WWOX: variants seen among roughly 807,000 people sequenced by gnomAD.
WWOX encodes WW domain containing oxidoreductase, also known as WW domain-containing oxidoreductase.
A neutral mutation model predicts 46.2 loss-of-function variants in WWOX; 69 were observed. The observed-to-expected ratio is 1.49, with a 90% CI of 1.23 to 1.82. The LOEUF is 1.82. Among genes scored for constraint, WWOX ranks in the 40% most tolerant of loss-of-function variants. The pLI is 0.00. For missense variants in WWOX, 919 were observed against 542.6 expected, an observed-to-expected ratio of 1.69 and a Z score of -6.89; for synonymous variants, 359 against 202.6, an observed-to-expected ratio of 1.77 and a Z score of -6.56.
intron 8 of WWOX, among the ~76,000 whole-genome samples, chr16:79,157,915 A>G (rs778631006): frequency 3.9e-5 from 6 of 152,174 alleles, no homozygotes; most frequent in East Asian, 3.9e-4. Context: ...TTTTTCTGGT[A>G]CCTGGCCCTG....
intron 8 of WWOX, among the ~76,000 whole-genome samples, chr16:78,707,573 C>A (rs561557491): frequency 6.6e-6 from 1 of 152,214 alleles, no homozygotes; most frequent in Admixed American, 6.5e-5. Flanking sequence ...TACAGATGCT[C>A]AAAATCTGCA....
At chr16:78,700,460 C>G (rs565625783) in intron 8 of WWOX, among the ~76,000 whole-genome samples, 1 of 151,960 alleles carries the variant, frequency 6.6e-6, no homozygotes, top group African/African-American at 2.4e-5. Flanking sequence ...ATTGGGTGTT[C>G]TAGTTTAACA....
At chr16:79,134,566 A>G (rs2049946177) in intron 8 of WWOX, among the ~76,000 whole-genome samples, 1 of 152,134 alleles carries the variant, frequency 6.6e-6, no homozygotes, top group Admixed American at 6.5e-5. Flanking sequence ...CTGCTTACTT[A>G]TTAGAACTCC....
At chr16:78,846,890 C>T (rs190537724) in intron 8 of WWOX, among the ~76,000 whole-genome samples, 14 of 152,250 alleles carry the variant, frequency 9.2e-5, no homozygotes, top group Non-Finnish European at 2.1e-4. Context: ...AAGGCTGTTT[C>T]TTCTTCTCCA....
chr16:78,714,765 G>T (rs984398488), intron 8 of WWOX, among the ~76,000 whole-genome samples: 16 of 152,190 alleles, frequency 1.1e-4, no homozygotes, highest in African/African-American at 3.6e-4. Context: ...AGGCTGAGAG[G>T]TGTGCATGGG....
chr16:78,662,933 G>A (rs1298573968), intron 8 of WWOX, among the ~76,000 whole-genome samples: 1 of 152,186 alleles, frequency 6.6e-6, no homozygotes, highest in Non-Finnish European at 1.5e-5. Flanking sequence ...ATTGGTGAGA[G>A]AGACCGCAGC....
intron 8 of WWOX, among the ~76,000 whole-genome samples, chr16:78,818,616 A>G (rs1261136119): frequency 2.6e-5 from 4 of 152,178 alleles, no homozygotes; most frequent in Non-Finnish European, 5.9e-5. Context: ...CTGTAGTCCT[A>G]GCTACTCAGG....
In WWOX at chr16:79,078,999, G is replaced by C. The variant is rs73572938; in HGVS notation, c.1057-132609G>C. On this transcript the variant is annotated intron_variant, in intron 8 of 8. Coordinates refer to ENST00000566780, the MANE Select transcript of WWOX (RefSeq NM_016373.4). The stretch of plus-strand genomic sequence containing the variant: ...AAATTTGATAGAAATCAGTAGAGAT[G>C]CTAAAATATAATACATTTGACCTGC... Among the ~76,000 whole-genome samples the C allele has an allele frequency of 3.5e-3, 527 of 152,286 alleles. 3 individuals are homozygous for C. Among genetic ancestry groups the C allele is most frequent in the African/African-American group, 0.012 (484 of 41,552 alleles).
At chr16:78,531,562 G>A (rs1267578349) in intron 8 of WWOX, among the ~76,000 whole-genome samples, 2 of 152,306 alleles carry the variant, frequency 1.3e-5, no homozygotes, top group East Asian at 1.9e-4. Context: ...AAATAAATGG[G>A]CTGGGCGTGG....
chr16:79,071,875 C>A (rs2048557914), intron 8 of WWOX, among the ~76,000 whole-genome samples: 1 of 152,186 alleles, frequency 6.6e-6, no homozygotes, highest in Non-Finnish European at 1.5e-5. Flanking sequence ...CAACCAACTC[C>A]ATGTCTGGTG....
intron 5 of WWOX, among the ~76,000 whole-genome samples, chr16:78,356,675 G>C (rs1347289784): frequency 2.0e-5 from 3 of 152,204 alleles, no homozygotes; most frequent in African/African-American, 7.2e-5. Flanking sequence ...GAGGTCAGCA[G>C]TTGAAGACCA....
Position 78,961,436 on chromosome 16 carries a change from C to T in WWOX, c.1057-250172C>T, listed in dbSNP as rs573926510. Among the ~76,000 whole-genome samples, 5 of 151,746 alleles carry T rather than the reference C, an allele frequency of 3.3e-5. No individual in the cohort carries two copies. The South Asian group carries it at 8.3e-4, about 25-fold the overall frequency. ...TCAGCAGATATATAGCTATGGGATA[C>T]ATGGATGGATGGATGGATGGGTGGA... On this transcript the variant is annotated intron_variant, in intron 8 of 8. Transcript: ENST00000566780.
At chr16:78,550,512 G>T (rs1261426645) in intron 8 of WWOX, among the ~76,000 whole-genome samples, 1 of 152,176 alleles carries the variant, frequency 6.6e-6, no homozygotes, top group African/African-American at 2.4e-5. Context: ...GTTTGTCTGG[G>T]AGACATAATT....
At chr16:79,052,403 T>C (rs1286826600) in intron 8 of WWOX, among the ~76,000 whole-genome samples, 1 of 152,162 alleles carries the variant, frequency 6.6e-6, no homozygotes, top group Non-Finnish European at 1.5e-5. Context: ...TATTCCATGG[T>C]GTATATGTGC....
At chr16:78,105,804 T>C (rs1404183748) in intron 1 of WWOX, among the ~76,000 whole-genome samples, 1 of 152,132 alleles carries the variant, frequency 6.6e-6, no homozygotes, top group African/African-American at 2.4e-5. Context: ...TTGTGGATTT[T>C]TTTATTTTTT....
intron 8 of WWOX, among the ~76,000 whole-genome samples, chr16:78,714,480 G>A (rs1248328769): frequency 1.3e-5 from 2 of 151,898 alleles, no homozygotes; most frequent in Non-Finnish European, 2.9e-5. Flanking sequence ...CCCATGATAC[G>A]TGGGGATGAT....
chr16:79,038,483 T>C (rs748793961), intron 8 of WWOX, among the ~76,000 whole-genome samples: 1 of 152,228 alleles, frequency 6.6e-6, no homozygotes, highest in Non-Finnish European at 1.5e-5. Flanking sequence ...ATTGAGATGT[T>C]ATTGTTTATG....
chr16:78,648,799 C>G (rs139892345), intron 8 of WWOX, among the ~76,000 whole-genome samples: 5 of 152,188 alleles, frequency 3.3e-5, no homozygotes, highest in African/African-American at 7.2e-5. Flanking sequence ...CCAAACACAA[C>G]TGATGGTGGC....
At position 78,137,779 on chromosome 16, in the gene WWOX, A is replaced by G. The variant is rs1276500651; in HGVS notation, c.409+22625A>G. The stretch of plus-strand genomic sequence containing the variant: ...ATTTGACAGCTCTTAGGTAGTGTGC[A>G]AAATTGTCAACAGATAATAAAAGTT... On this transcript the variant is annotated intron_variant, in intron 4 of 8. Transcript: ENST00000566780. 1.5e-5 allele frequency among the ~76,000 whole-genome samples: 2 copies of G among 136,824 alleles called. 1 individual carries two copies. Among genetic ancestry groups the G allele is most frequent in the Non-Finnish European group, 3.3e-5 (2 of 60,520 alleles). The allele number at this position is 136,824 out of a possible 152,430, so 89.8% of individuals were successfully genotyped here. A position where few individuals can be genotyped will look rare whatever the true frequency, so the allele number is the denominator to read the frequency against.
Sources: allele counts gnomAD v4.1 joint callset (sites outside exome capture counted in the v4.1 genomes callset), GRCh38; gene constraint gnomAD v4.1.1; transcripts MANE v1.5; gene names NCBI Gene and HGNC (gene_info 2026-07-23, HGNC 2026-07-21).